Variants in SBF2 observed in about 807,000 individuals in gnomAD.
SBF2 encodes myotubularin-related protein 13.
In SBF2, 112 loss-of-function variants were observed where a neutral mutation model predicts 225.2. The ratio of observed to expected loss-of-function variants is 0.50; its 90% CI spans 0.43 to 0.58. SBF2 has a LOEUF of 0.58. SBF2 is among the 20% of genes least tolerant of loss of function. The pLI is 0.00. For missense variants in SBF2, 1,996 were observed against 2,206.2 expected (o/e 0.90, Z 1.91); for synonymous variants, 763 against 773.3 (o/e 0.99, Z 0.22).
At chr11:9,889,766 TAAATA>T (rs1342279354) in intron 17 of SBF2, among the ~76,000 whole-genome samples, 1 of 152,204 alleles carries the variant, frequency 6.6e-6, no homozygotes, top group Non-Finnish European at 1.5e-5. Context: ...TGATTCCCTT[TAAATA>T]AAATGTCTAG....
chr11:9,863,327 T>C (rs1198357503), intron 17 of SBF2, among the ~76,000 whole-genome samples: 5 of 152,226 alleles, frequency 3.3e-5, no homozygotes, highest in African/African-American at 9.6e-5. Flanking sequence ...CTAGACATGT[T>C]AGTTCCCCAA....
chr11:9,900,891 C>T (rs10840320), intron 16 of SBF2, among the ~76,000 whole-genome samples: 89,475 of 151,836 alleles, frequency 0.59, 26,786 homozygotes, highest in African/African-American at 0.66. Flanking sequence ...CACGCATCAC[C>T]GCACCCAGCT....
chr11:10,231,382 C>T (rs1203090278), intron 1 of SBF2, among the ~76,000 whole-genome samples: 1 of 152,174 alleles, frequency 6.6e-6, no homozygotes, highest in Non-Finnish European at 1.5e-5. Flanking sequence ...AGGAGAAGCG[C>T]TCTGATTTTT....
intron 6 of SBF2, among the ~76,000 whole-genome samples, chr11:10,011,755 TGA>T (rs1011357160): frequency 5.3e-5 from 8 of 152,228 alleles, no homozygotes; most frequent in African/African-American, 1.7e-4. Context: ...TTCATATAGA[TGA>T]ATTATTTTCT....
intron 2 of SBF2, among the ~76,000 whole-genome samples, chr11:10,084,072 A>C (rs1951463571): frequency 1.3e-5 from 2 of 152,232 alleles, no homozygotes; most frequent in African/African-American, 4.8e-5. Context: ...CAGTCTGCAA[A>C]ATGGCAGAAA....
chr11:10,112,914 TCTC>T (rs1952943820), intron 2 of SBF2, among the ~76,000 whole-genome samples: 2 of 152,216 alleles, frequency 1.3e-5, no homozygotes, highest in South Asian at 2.1e-4. Context: ...TTTTCTATCT[TCTC>T]CTCTCCTGAA....
At position 9,877,876 on chromosome 11, in the gene SBF2, T is replaced by C. The variant is rs141371267; in HGVS notation, c.1929+18067A>G. The stretch of plus-strand genomic sequence containing the variant: ...AAATTTACGTGTGCATGTGTCTTTA[T>C]AGCAGCATGATTTATAATCCTTTGG... On this transcript the variant is annotated intron_variant, in intron 17 of 39. Transcript: ENST00000256190. Among the ~76,000 whole-genome samples, 106 of 152,338 alleles carry C rather than the reference T, an allele frequency of 7.0e-4. 1 individual carries two copies. The East Asian group carries it at 0.017, about 24-fold the overall frequency.
chr11:9,919,035 T>C (rs575585525), intron 16 of SBF2, among the ~76,000 whole-genome samples: 18 of 152,040 alleles, frequency 1.2e-4, no homozygotes, highest in Non-Finnish European at 2.5e-4. Flanking sequence ...AGCCACTGCA[T>C]CTGGCTTTTT....
At chr11:10,141,818 T>G (rs1453388160) in intron 2 of SBF2, among the ~76,000 whole-genome samples, 1 of 152,186 alleles carries the variant, frequency 6.6e-6, no homozygotes, top group Non-Finnish European at 1.5e-5. Context: ...GCAGTCACCA[T>G]CAAACTTATT....
intron 2 of SBF2, among the ~76,000 whole-genome samples, chr11:10,132,784 C>T (rs946869459): frequency 6.7e-6 from 1 of 148,998 alleles, no homozygotes; most frequent in Admixed American, 6.8e-5. Flanking sequence ...TGGCCCCACC[C>T]ACATCCTGCT....
At position 9,993,056 on chromosome 11, in the gene SBF2, G is replaced by C. The variant is rs1947510721; in HGVS notation, c.1101C>G (p.Phe367Leu). Residue 367 changes from phenylalanine to leucine, a missense_variant, in exon 11 of 40, where the codon TTC (phenylalanine) becomes TTG (leucine). Physicochemically the swap from Phe to Leu is conservative, Grantham distance 22 (BLOSUM62 0). Coordinates refer to ENST00000256190, the MANE Select transcript of SBF2 (RefSeq NM_030962.4). ...GTTGCAGGCAGGATCTATATCCTTG[G>C]AAGAGTTGTGCAAATAATCTAAGGA... Reference protein sequence around the residue: ...AVFLRLFAQLFQGYRSCLQLI... With the variant: ...AVFLRLFAQLLQGYRSCLQLI... 1.2e-6 allele frequency: 2 copies of C among 1,612,486 alleles called. No individual in the cohort carries two copies. Among genetic ancestry groups the C allele is most frequent in the Non-Finnish European group, 1.7e-6 (2 of 1,179,696 alleles).
intron 2 of SBF2, among the ~76,000 whole-genome samples, chr11:10,045,171 CTTT>C (rs59755660): frequency 9.9e-5 from 14 of 141,726 alleles, no homozygotes; most frequent in Admixed American, 1.4e-4. Flanking sequence ...TATTGCTTTT[CTTT>C]TTTTTTTTTT....
At chr11:9,847,518 C>CAA (rs3072276) in intron 22 of SBF2, among the ~76,000 whole-genome samples, 65,340 of 137,118 alleles carry the variant, frequency 0.48, 14,661 homozygotes, top group Admixed American at 0.5. Context: ...GGAGGTTTTA[C>CAA]AAAAAAAAAA....
At chr11:10,185,108 C>T (rs1591165329) in intron 2 of SBF2, among the ~76,000 whole-genome samples, 3 of 147,634 alleles carry the variant, frequency 2.0e-5, no homozygotes, top group African/African-American at 7.5e-5. Flanking sequence ...GAATAATATT[C>T]TGGGGGGGGG....
intron 28 of SBF2, among the ~76,000 whole-genome samples, chr11:9,827,940 T>C (rs1049157923): frequency 1.3e-5 from 2 of 152,250 alleles, no homozygotes; most frequent in African/African-American, 4.8e-5. Flanking sequence ...TTATTATACT[T>C]CTTGTCCCAC....
intron 2 of SBF2, among the ~76,000 whole-genome samples, chr11:10,154,278 GT>G (rs1316414507): frequency 1.3e-5 from 2 of 152,010 alleles, no homozygotes. Context: ...TTTTAGTAGT[GT>G]TTGGAGATTC....
At chr11:10,006,161 C>T (rs879341551) in intron 6 of SBF2, among the ~76,000 whole-genome samples, 2 of 152,190 alleles carry the variant, frequency 1.3e-5, no homozygotes, top group Admixed American at 6.5e-5. Flanking sequence ...CCCTCCGGAC[C>T]GTCCACCTCG....
At chr11:9,915,067 T>C (rs1862959526) in intron 16 of SBF2, among the ~76,000 whole-genome samples, 1 of 151,964 alleles carries the variant, frequency 6.6e-6, no homozygotes, top group African/African-American at 2.4e-5. Flanking sequence ...TGGAGAAGGA[T>C]GAACTTGTGA....
At chr11:10,225,335 A>T (rs930053004) in intron 1 of SBF2, among the ~76,000 whole-genome samples, 4 of 152,056 alleles carry the variant, frequency 2.6e-5, no homozygotes, top group African/African-American at 9.7e-5. Context: ...ACACAAGTGG[A>T]ACATGAAATT....
Sources: allele counts gnomAD v4.1 joint callset (sites outside exome capture counted in the v4.1 genomes callset), GRCh38; gene constraint gnomAD v4.1.1; transcripts MANE v1.5; gene names NCBI Gene and HGNC (gene_info 2026-07-23, HGNC 2026-07-21).